PLCXD3: variants seen among roughly 807,000 people sequenced by gnomAD.
PLCXD3 encodes phosphatidylinositol specific phospholipase C X domain containing 3.
In PLCXD3, 19 loss-of-function variants were observed where a neutral mutation model predicts 25.5. That is an observed-to-expected ratio of 0.75 (90% CI 0.52 to 1.09). The LOEUF (loss-of-function observed/expected upper bound fraction) is 1.09, where lower values mean the gene tolerates loss of function less well. PLCXD3 is among the 50% of genes least tolerant of loss of function. The pLI, the probability that PLCXD3 is intolerant of heterozygous loss-of-function variation, is 0.00. For synonymous variants in PLCXD3, 174 were observed against 137.6 expected (o/e 1.26, Z -1.85); for missense variants, 411 against 388.1 (o/e 1.06, Z -0.50).
chr5:41,510,578 G>T lies in PLCXD3; in HGVS notation c.-52C>A. ...GTCCCAGCACTCCTCGGGCAGGCTGGCAGGCTGCTGCCGCTAATCCAATGT... is the reference window on the plus strand; with the variant it reads ...GTCCCAGCACTCCTCGGGCAGGCTGTCAGGCTGCTGCCGCTAATCCAATGT... On this transcript the variant is annotated 5_prime_UTR_variant, in exon 1 of 3. Coordinates refer to ENST00000377801, the MANE Select transcript of PLCXD3 (RefSeq NM_001005473.3). 1 of 1,404,458 alleles carries T rather than the reference G, an allele frequency of 7.1e-7. No individual in the cohort carries two copies. The highest frequency in any genetic ancestry group is 1.0e-6 in the Non-Finnish European group (1 of 1,002,166). The allele number at this position is 1,404,458 out of a possible 1,614,324, so 87.0% of individuals were successfully genotyped here. A position where few individuals can be genotyped will look rare whatever the true frequency, so the allele number is the denominator to read the frequency against.
chr5:41,348,091 C>G (rs993648216), intron 2 of PLCXD3, among the ~76,000 whole-genome samples: 8 of 152,172 alleles, frequency 5.3e-5, no homozygotes, highest in African/African-American at 1.9e-4. Flanking sequence ...GTTAACATAT[C>G]ATGGAATTCC....
chr5:41,486,884 A>G (rs1314517310), intron 1 of PLCXD3, among the ~76,000 whole-genome samples: 3 of 152,184 alleles, frequency 2.0e-5, no homozygotes, highest in Non-Finnish European at 1.5e-5. Flanking sequence ...CCCTGGAGCT[A>G]TTGTAAGTAG....
At chr5:41,459,860 C>T (rs536295896) in intron 1 of PLCXD3, among the ~76,000 whole-genome samples, 5 of 151,958 alleles carry the variant, frequency 3.3e-5, no homozygotes, top group East Asian at 1.9e-4. Context: ...ATCAAGCAAG[C>T]GATAAGGATT....
intron 1 of PLCXD3, among the ~76,000 whole-genome samples, chr5:41,426,152 G>A (rs779384372): frequency 6.6e-6 from 1 of 151,306 alleles, no homozygotes; most frequent in Non-Finnish European, 1.5e-5. Flanking sequence ...ATTCTAATAG[G>A]TATGTAGTGG....
intron 2 of PLCXD3, among the ~76,000 whole-genome samples, chr5:41,334,679 G>A (rs1743929274): frequency 6.6e-6 from 1 of 152,128 alleles, no homozygotes; most frequent in Non-Finnish European, 1.5e-5. Context: ...AATGGCAACA[G>A]CAGCCCTTAT....
At chr5:41,436,104 T>C (rs939480515) in intron 1 of PLCXD3, among the ~76,000 whole-genome samples, 17 of 152,164 alleles carry the variant, frequency 1.1e-4, no homozygotes, top group African/African-American at 3.9e-4. Flanking sequence ...AGGTGAGATA[T>C]ACTGGCCACC....
intron 1 of PLCXD3, among the ~76,000 whole-genome samples, chr5:41,410,584 G>C (rs1580358909): frequency 6.6e-6 from 1 of 152,218 alleles, no homozygotes; most frequent in East Asian, 1.9e-4. Context: ...TGTATGTTCT[G>C]ATATCCAGGC....
Position 41,442,787 on chromosome 5 carries a change from A to G in PLCXD3, c.104-60253T>C, listed in dbSNP as rs1747412773. On this transcript the variant is annotated intron_variant, in intron 1 of 2. Coordinates refer to ENST00000377801, the MANE Select transcript of PLCXD3 (RefSeq NM_001005473.3). ...CCTTAATCCCTTCCCTCACCCAAAC[A>G]CTTCAAATCAAATCTGATTGCATTA... Among the ~76,000 whole-genome samples, 2 of 152,016 alleles carry G rather than the reference A, an allele frequency of 1.3e-5. 1 individual carries two copies. The highest frequency in any genetic ancestry group is 1.3e-4 in the Admixed American group (2 of 15,258).
intron 2 of PLCXD3, among the ~76,000 whole-genome samples, chr5:41,348,667 G>A (rs1227917688): frequency 6.6e-6 from 1 of 151,616 alleles, no homozygotes; most frequent in Non-Finnish European, 1.5e-5. Flanking sequence ...TTGTTTGTTT[G>A]TTTTAGATTG....
chr5:41,319,943 A>T (rs2150469366), intron 2 of PLCXD3, among the ~76,000 whole-genome samples: 1 of 152,316 alleles, frequency 6.6e-6, no homozygotes, highest in South Asian at 2.1e-4. Context: ...GACACTGCAG[A>T]AATTCAAAAG....
intron 1 of PLCXD3, among the ~76,000 whole-genome samples, chr5:41,489,321 T>G (rs1748596996): frequency 6.6e-6 from 1 of 152,184 alleles, no homozygotes; most frequent in South Asian, 2.1e-4. Context: ...CATGCTGTTT[T>G]GGTTACTGTA....
intron 2 of PLCXD3, among the ~76,000 whole-genome samples, chr5:41,316,657 G>A (rs1196882924): frequency 6.6e-6 from 1 of 152,152 alleles, no homozygotes; most frequent in East Asian, 1.9e-4. Flanking sequence ...AGGCTAGGCA[G>A]CATCCACCAG....
intron 1 of PLCXD3, among the ~76,000 whole-genome samples, chr5:41,459,426 G>C (rs1180526809): frequency 6.6e-6 from 1 of 151,722 alleles, no homozygotes; most frequent in Non-Finnish European, 1.5e-5. Flanking sequence ...AAGACAACCT[G>C]GGACCAAATA....
chr5:41,449,615 T>G (rs916424726), intron 1 of PLCXD3, among the ~76,000 whole-genome samples: 1 of 152,108 alleles, frequency 6.6e-6, no homozygotes, highest in Non-Finnish European at 1.5e-5. Context: ...AAAGCCAGTG[T>G]AAAGTACACT....
chr5:41,496,747 T>TA (rs1165341571), intron 1 of PLCXD3, among the ~76,000 whole-genome samples: 3 of 151,270 alleles, frequency 2.0e-5, no homozygotes, highest in Admixed American at 1.3e-4. Flanking sequence ...AAAGCGTAGG[T>TA]AACTATGTAA....
At chr5:41,430,397 T>C (rs1300020632) in intron 1 of PLCXD3, among the ~76,000 whole-genome samples, 1 of 152,202 alleles carries the variant, frequency 6.6e-6, no homozygotes, top group African/African-American at 2.4e-5. Context: ...AGAATTGACC[T>C]GTCTGTAGTT....
chr5:41,385,011 A>G (rs145570785), intron 1 of PLCXD3, among the ~76,000 whole-genome samples: 1 of 152,122 alleles, frequency 6.6e-6, no homozygotes, highest in Non-Finnish European at 1.5e-5. Context: ...AGAAATATAT[A>G]ATATAGTGTT....
At chr5:41,477,690 A>T (rs1345918264) in intron 1 of PLCXD3, among the ~76,000 whole-genome samples, 2 of 151,812 alleles carry the variant, frequency 1.3e-5, no homozygotes, top group Non-Finnish European at 2.9e-5. Flanking sequence ...TAAAAAAAAA[A>T]CCTCATCTGG....
At chr5:41,430,634 T>C (rs867459432) in intron 1 of PLCXD3, among the ~76,000 whole-genome samples, 3 of 152,144 alleles carry the variant, frequency 2.0e-5, no homozygotes, top group Non-Finnish European at 4.4e-5. Context: ...GGGAATTCTG[T>C]GACCCAGTGT....
Sources: allele counts gnomAD v4.1 joint callset (sites outside exome capture counted in the v4.1 genomes callset), GRCh38; gene constraint gnomAD v4.1.1; transcripts MANE v1.5; gene names NCBI Gene and HGNC (gene_info 2026-07-23, HGNC 2026-07-21).